The following FOXP2 variants were observed in gnomAD, a reference collection of about 807,000 sequenced individuals.
FOXP2 encodes forkhead box P2.
In FOXP2, 12 loss-of-function variants were observed where a neutral mutation model predicts 115.8. The observed-to-expected ratio is 0.10, with a 90% CI of 0.07 to 0.17. The LOEUF (loss-of-function observed/expected upper bound fraction) is 0.17. Ranked by LOEUF, FOXP2 falls within the 10% of genes least tolerant of loss-of-function variation. The pLI is 1.00. For synonymous variants in FOXP2, 328 were observed against 297.7 expected, an observed-to-expected ratio of 1.10 and a Z score of -1.05; for missense variants, 629 against 843.5, an observed-to-expected ratio of 0.75 and a Z score of 3.15.
chr7:114,235,413 G>GA (rs1409268128), intron 1 of FOXP2, among the ~76,000 whole-genome samples: 1 of 151,516 alleles, frequency 6.6e-6, no homozygotes, highest in African/African-American at 2.4e-5. Context: ...TAAAAAAAAG[G>GA]AAAAACACTT....
intron 1 of FOXP2, among the ~76,000 whole-genome samples, chr7:114,106,542 T>C (rs1791122151): frequency 6.6e-6 from 1 of 152,014 alleles, no homozygotes; most frequent in Non-Finnish European, 1.5e-5. Flanking sequence ...GAAGTAGATA[T>C]ATCATGTTCC....
chr7:114,141,911 T>G (rs1286847061), intron 1 of FOXP2, among the ~76,000 whole-genome samples: 1 of 152,032 alleles, frequency 6.6e-6, no homozygotes, highest in South Asian at 2.1e-4. Flanking sequence ...CTTAGTAATC[T>G]CAATTGATGG....
chr7:114,677,080 C>G (rs1008377017), intron 16 of FOXP2, among the ~76,000 whole-genome samples: 2 of 151,432 alleles, frequency 1.3e-5, no homozygotes, highest in Non-Finnish European at 2.9e-5. Context: ...GCAGGAGAAT[C>G]GCTTGAACCC....
At chr7:114,283,558 A>G (rs1238614716) in intron 1 of FOXP2, among the ~76,000 whole-genome samples, 2 of 152,152 alleles carry the variant, frequency 1.3e-5, no homozygotes, top group Admixed American at 1.3e-4. Context: ...TTTATTAATT[A>G]GAAGACAATA....
At chr7:114,112,674 CATTGTCAGGAGCAGGAGA>C (rs1791303516) in intron 1 of FOXP2, among the ~76,000 whole-genome samples, 1 of 152,070 alleles carries the variant, frequency 6.6e-6, no homozygotes, top group South Asian at 2.1e-4. Context: ...TACAAATGCT[CATTGTCAGGAGCAGGAGA>C]ATAGGGAGGC....
At chr7:114,252,514 G>C (rs1178984833) in intron 1 of FOXP2, among the ~76,000 whole-genome samples, 1 of 152,134 alleles carries the variant, frequency 6.6e-6, no homozygotes, top group Admixed American at 6.6e-5. Flanking sequence ...TCCTGGTTTA[G>C]TCTTGGGAGG....
At chr7:114,638,963 T>G (rs552230140) in intron 6 of FOXP2, among the ~76,000 whole-genome samples, 1 of 152,198 alleles carries the variant, frequency 6.6e-6, no homozygotes, top group South Asian at 2.1e-4. Context: ...GCCTACTAAC[T>G]GCCTGACATT....
upstream of FOXP2, among the ~76,000 whole-genome samples, chr7:114,413,510 G>C (rs1793218953): frequency 6.6e-6 from 1 of 151,938 alleles, no homozygotes; most frequent in African/African-American, 2.4e-5. Context: ...CTTTTAATGA[G>C]TGAATTATTT....
intron 2 of FOXP2, among the ~76,000 whole-genome samples, chr7:114,458,403 G>GA (rs529254803): frequency 1.6e-4 from 24 of 148,056 alleles, no homozygotes; most frequent in South Asian, 4.3e-4. Flanking sequence ...AGGCAGGAAG[G>GA]AAAAAAAAAA....
At chr7:114,676,911 G>A (rs1412755259) in intron 16 of FOXP2, among the ~76,000 whole-genome samples, 1 of 152,056 alleles carries the variant, frequency 6.6e-6, no homozygotes, top group Non-Finnish European at 1.5e-5. Context: ...TAAATTTTAA[G>A]GTTTTGTTAA....
chr7:114,580,030 A>G (rs1801768056), intron 3 of FOXP2, among the ~76,000 whole-genome samples: 1 of 152,250 alleles, frequency 6.6e-6, no homozygotes, highest in Admixed American at 6.5e-5. Flanking sequence ...CTCTTATTGT[A>G]TAGGCTAATG....
chr7:114,662,020 A>C (rs749956159), intron 13 of FOXP2, 45 bp from the exon 14 acceptor site: 46 of 1,609,116 alleles, frequency 2.9e-5, no homozygotes, highest in Non-Finnish European at 3.7e-5. Flanking sequence ...GCCTTATTAG[A>C]CAATATTATT....
At chr7:114,105,899 C>T (rs760015604) in intron 1 of FOXP2, among the ~76,000 whole-genome samples, 1 of 152,046 alleles carries the variant, frequency 6.6e-6, no homozygotes, top group Middle Eastern at 3.2e-3. Context: ...AGTGCTCTTT[C>T]CTCTGTATAT....
chr7:114,159,673 C>A (rs756785922), upstream of FOXP2, among the ~76,000 whole-genome samples: 18 of 105,070 alleles, frequency 1.7e-4, no homozygotes, highest in Non-Finnish European at 3.5e-4. Flanking sequence ...CCCAGCTAAT[C>A]CAGGACTAAC....
At chr7:114,140,049 G>C (rs1179940830) in intron 1 of FOXP2, among the ~76,000 whole-genome samples, 1 of 152,060 alleles carries the variant, frequency 6.6e-6, no homozygotes, top group Non-Finnish European at 1.5e-5. Flanking sequence ...AGAGGTGGAG[G>C]TTGCAGTGAG....
Position 114,437,097 on chromosome 7 carries a change from AC to A in FOXP2, c.168+10420del, listed in dbSNP as rs140580549. ...TGTATGATCAGCCTTCAATTTATTG[AC>A]CTTTTTAATTTAGCATTTGTCTCTC... On this transcript the variant is annotated intron_variant, in intron 2 of 16. Coordinates refer to ENST00000350908, the MANE Select transcript of FOXP2 (RefSeq NM_014491.4). Among the ~76,000 whole-genome samples the A allele has an allele frequency of 6.5e-3, 986 of 152,124 alleles. 6 individuals carry two copies. The highest frequency in any genetic ancestry group is 0.02 in the African/African-American group (850 of 41,528).
intron 2 of FOXP2, among the ~76,000 whole-genome samples, chr7:114,527,433 A>G (rs1403407391): frequency 1.3e-5 from 2 of 150,690 alleles, no homozygotes; most frequent in East Asian, 2.0e-4. Flanking sequence ...CCTTTTCACT[A>G]TTTCCTCATC....
intron 2 of FOXP2, among the ~76,000 whole-genome samples, chr7:114,530,662 C>A (rs1012634477): frequency 2.0e-5 from 3 of 151,756 alleles, no homozygotes; most frequent in African/African-American, 7.2e-5. Context: ...AAGTATTTAT[C>A]TGGCAGGTTA....
chr7:114,548,843 T>C (rs991794744), intron 3 of FOXP2, among the ~76,000 whole-genome samples: 1 of 152,194 alleles, frequency 6.6e-6, no homozygotes, highest in African/African-American at 2.4e-5. Context: ...CGTTTGCATA[T>C]TTTGCAAGTA....
Sources: gnomAD v4.1 joint callset for allele counts (sites outside exome capture counted in the v4.1 genomes callset) on GRCh38, gnomAD v4.1.1 for gene constraint, MANE v1.5 for transcripts, NCBI Gene and HGNC (gene_info 2026-07-23, HGNC 2026-07-21) for gene names.